Variants in SASH1 observed in about 807,000 individuals in gnomAD.
SASH1 encodes SAM and SH3 domain-containing protein 1.
In SASH1, 44 loss-of-function variants were observed where a neutral mutation model predicts 125.2. The ratio of observed to expected loss-of-function variants is 0.35; its 90% CI spans 0.28 to 0.45. SASH1 has a LOEUF of 0.45. Ranked by LOEUF, SASH1 falls within the 20% of genes least tolerant of loss-of-function variation. The pLI, the probability that SASH1 is intolerant of heterozygous loss-of-function variation, is 1.00. For synonymous variants in SASH1, 639 were observed against 649.1 expected, an observed-to-expected ratio of 0.98 and a Z score of 0.24; for missense variants, 1,426 against 1,614.5, an observed-to-expected ratio of 0.88 and a Z score of 2.00.
At chr6:148,520,031 T>G (rs907483078) in intron 10 of SASH1, 138 bp downstream of exon 10, 4 of 641,448 alleles carry the variant, frequency 6.2e-6, no homozygotes, top group Admixed American at 3.0e-5. Context: ...GTTCCAGAGC[T>G]TTTCTCTGCC....
At position 148,305,944 on chromosome 6, in the gene SASH1, T is replaced by C. The variant is rs981961787; in HGVS notation, n.74+33567T>C. Among the ~76,000 whole-genome samples, 6 of 152,246 alleles carry C rather than the reference T, an allele frequency of 3.9e-5. No homozygotes were observed. In the East Asian group the frequency reaches 1.2e-3, roughly 29 times the overall value. On this transcript the variant is annotated intron_variant and non_coding_transcript_variant, in intron 1 of 3. Coordinates refer to the SASH1 transcript ENST00000367469. ...TGGGAATGTCCATGGCACAAAGAAATGATGAGTGCTTGAGGTGATGAGCCC... is the reference window on the plus strand; with the variant it reads ...TGGGAATGTCCATGGCACAAAGAAACGATGAGTGCTTGAGGTGATGAGCCC...
intron 2 of SASH1, among the ~76,000 whole-genome samples, chr6:148,420,852 G>A (rs1785028354): frequency 6.6e-6 from 1 of 151,954 alleles, no homozygotes; most frequent in Non-Finnish European, 1.5e-5. Context: ...AGGCTGAGGC[G>A]GGTGGATCAT....
In SASH1 at chr6:148,546,166, C is replaced by G; in HGVS notation, c.3480+20C>G. ...ATGGCGGTGAGCAGCCCACAGTTCT[C>G]CAGCTTCCTGAGGCACATTTAGTGA... On this transcript the variant is annotated intron_variant, in intron 19 of 19. Coordinates refer to ENST00000367467, the MANE Select transcript of SASH1 (RefSeq NM_015278.5). 1 of 1,610,604 alleles carries G rather than the reference C, an allele frequency of 6.2e-7. No homozygotes were observed. The highest frequency in any genetic ancestry group is 8.5e-7 in the Non-Finnish European group (1 of 1,178,610).
chr6:148,484,817 C>T (rs1443671046), intron 7 of SASH1, among the ~76,000 whole-genome samples: 1 of 152,032 alleles, frequency 6.6e-6, no homozygotes, highest in Non-Finnish European at 1.5e-5. Flanking sequence ...GTGCCATGCC[C>T]CTGTAGTCCC....
chr6:148,486,289 T>A (rs942128943), intron 7 of SASH1, among the ~76,000 whole-genome samples: 2 of 152,004 alleles, frequency 1.3e-5, no homozygotes, highest in Non-Finnish European at 2.9e-5. Context: ...CCCAGCTAAT[T>A]TTTGTGTTTT....
At chr6:148,447,448 G>A (rs150143306) in intron 4 of SASH1, among the ~76,000 whole-genome samples, 1 of 152,148 alleles carries the variant, frequency 6.6e-6, no homozygotes, top group Non-Finnish European at 1.5e-5. Flanking sequence ...GATAATGTCA[G>A]CTTTCCTTTT....
the SASH1 span, among the ~76,000 whole-genome samples, chr6:148,200,994 A>G: frequency 6.6e-5 from 10 of 152,178 alleles, no homozygotes; most frequent in African/African-American, 2.4e-4. Context: ...TCCACTGGTG[A>G]GGAAGTTTCA....
chr6:148,424,416 G>A (rs1775715198), intron 2 of SASH1, among the ~76,000 whole-genome samples: 1 of 152,046 alleles, frequency 6.6e-6, no homozygotes, highest in Admixed American at 6.6e-5. Context: ...AGTAGAGACG[G>A]GGTTTCACCA....
the SASH1 span, among the ~76,000 whole-genome samples, chr6:148,210,541 A>C: frequency 6.6e-6 from 1 of 152,322 alleles, no homozygotes; most frequent in East Asian, 1.9e-4. Flanking sequence ...TCAAATAAAT[A>C]AATACTTCAA....
intron 16 of SASH1, 81 bp downstream of exon 16, chr6:148,534,982 GT>G (rs1781755034): frequency 2.1e-6 from 3 of 1,400,456 alleles, no homozygotes; most frequent in Non-Finnish European, 2.0e-6. Context: ...ATGTGCTTAG[GT>G]CCCTGGAGTC....
chr6:148,520,958 A>T (rs900954133), intron 10 of SASH1, among the ~76,000 whole-genome samples: 4 of 152,162 alleles, frequency 2.6e-5, no homozygotes, highest in African/African-American at 4.8e-5. Flanking sequence ...AGTCTATTCC[A>T]TGTTCTTATC....
At chr6:148,431,204 A>AT (rs1170801982) in intron 2 of SASH1, among the ~76,000 whole-genome samples, 2,124 of 145,358 alleles carry the variant, frequency 0.015, 24 homozygotes, top group African/African-American at 0.037. Context: ...AAGACAATAG[A>AT]TTTTTTTTTT....
chr6:148,536,496 C>T (rs935081737), intron 16 of SASH1, among the ~76,000 whole-genome samples: 2 of 152,146 alleles, frequency 1.3e-5, no homozygotes, highest in African/African-American at 4.8e-5. Flanking sequence ...TGCACCACTA[C>T]GCATGGCTAA....
intron 1 of SASH1, among the ~76,000 whole-genome samples, chr6:148,313,578 C>T (rs1483943145): frequency 6.6e-6 from 1 of 152,154 alleles, no homozygotes; most frequent in African/African-American, 2.4e-5. Flanking sequence ...TCTATAAATA[C>T]ACAAACCTAT....
chr6:148,312,553 A>G (rs1780359345), intron 1 of SASH1, among the ~76,000 whole-genome samples: 1 of 152,206 alleles, frequency 6.6e-6, no homozygotes, highest in African/African-American at 2.4e-5. Context: ...CAATATTTTG[A>G]AAATTGTGCT....
intron 7 of SASH1, among the ~76,000 whole-genome samples, chr6:148,477,692 ATTT>A (rs71004300): frequency 4.2e-5 from 4 of 95,844 alleles, no homozygotes; most frequent in Non-Finnish European, 5.7e-5. Flanking sequence ...CACCTGGCTA[ATTT>A]TTTTTTTTTT....
Position 148,544,662 on chromosome 6 carries a change from C to G in SASH1, c.3192C>G (p.Leu1064=), listed in dbSNP as rs748572644. 36 of 1,613,226 alleles carry G rather than the reference C, an allele frequency of 2.2e-5. No homozygotes were observed. The East Asian group carries it at 4.5e-4, about 20-fold the overall frequency. ...STRPPPWLSE[L]PENTSLQEHG... is the part of the protein sequence containing the mutation. ...GGCCGCCCCCCTGGCTCTCAGAGCT[C>G]CCCGAGAACACAAGCCTCCAGGAGC... is the stretch of plus-strand genomic sequence containing the variant. The change falls in exon 18 of 20, where the codon CTC becomes CTG. Residue 1064 remains leucine (L), a synonymous_variant. Transcript: ENST00000367467. This position sits in a 1 kb window ranked among gnomAD's most constrained non-coding sequence, Gnocchi z 6.4.
At chr6:148,547,009 A>C (rs1330832721) in intron 19 of SASH1, among the ~76,000 whole-genome samples, 2 of 152,218 alleles carry the variant, frequency 1.3e-5, no homozygotes, top group African/African-American at 4.8e-5. Flanking sequence ...TATATTATAC[A>C]CAAATTTCTT....
chr6:148,234,956 G>A, the SASH1 span, among the ~76,000 whole-genome samples: 3 of 152,154 alleles, frequency 2.0e-5, no homozygotes, highest in Non-Finnish European at 1.5e-5. Flanking sequence ...CCCGTAATGG[G>A]TCTGTGGGCT....
Sources: allele counts gnomAD v4.1 joint callset (sites outside exome capture counted in the v4.1 genomes callset), GRCh38; gene constraint gnomAD v4.1.1; non-coding constraint Gnocchi (gnomAD v3.1); transcripts MANE v1.5; gene names NCBI Gene and HGNC (gene_info 2026-07-23, HGNC 2026-07-21).